Variants in TAOK1 observed in about 807,000 individuals in gnomAD.
TAOK1 encodes serine/threonine-protein kinase TAO1.
Under a neutral mutation model 138.3 loss-of-function variants are expected in TAOK1, and 21 were observed. The ratio of observed to expected loss-of-function variants is 0.15; its 90% confidence interval spans 0.11 to 0.22. The LOEUF (loss-of-function observed/expected upper bound fraction) is 0.22, where lower values mean the gene tolerates loss of function less well. Ranked by LOEUF, TAOK1 falls within the 10% of genes least tolerant of loss-of-function variation. The probability of loss-of-function intolerance (pLI) is 1.00; values close to 1 mark genes in which losing one functional copy is unlikely to be tolerated. For synonymous variants in TAOK1, 361 were observed against 398.4 expected, an observed-to-expected ratio of 0.91 and a Z score of 1.12; for missense variants, 651 against 1,227.7, an observed-to-expected ratio of 0.53 and a Z score of 7.02.
Position 29,489,687 on chromosome 17 carries a change from A to G in TAOK1, c.679A>G (p.Asn227Asp). The change falls in exon 9 of 20, where the codon AAT becomes GAT. Residue 227 changes from asparagine to aspartate, a missense_variant. Asn to Asp is a conservative substitution (Grantham distance 23). Coordinates refer to ENST00000261716, the MANE Select transcript of TAOK1 (RefSeq NM_020791.4). ...AGCGGAAAGGAAGCCTCCTTTATTT[A>G]ATATGAATGCAATGAGTGCCTTATA... ...ELAERKPPLF[N>D]MNAMSALYHI... 1 of 1,609,652 alleles carries G rather than the reference A, an allele frequency of 6.2e-7. No individual in the cohort carries two copies. Among genetic ancestry groups the G allele is most frequent in the Non-Finnish European group, 8.5e-7 (1 of 1,178,344 alleles).
At chr17:29,415,303 A>C (rs946633347) in intron 1 of TAOK1, among the ~76,000 whole-genome samples, 1 of 152,190 alleles carries the variant, frequency 6.6e-6, no homozygotes, top group African/African-American at 2.4e-5. Flanking sequence ...AATGGTGCTA[A>C]TGTGAACATA....
chr17:29,409,195 T>G (rs940752948), intron 1 of TAOK1, among the ~76,000 whole-genome samples: 4 of 151,734 alleles, frequency 2.6e-5, no homozygotes, highest in Non-Finnish European at 5.9e-5. Context: ...AGTCCAGTGT[T>G]TGGATATATC....
intron 15 of TAOK1, chr17:29,513,151 A>T (rs1199244296): frequency 6.8e-6 from 1 of 146,596 alleles, no homozygotes; most frequent in Non-Finnish European, 1.5e-5. Context: ...TAAAATAAGT[A>T]TAATCAATTT....
intron 13 of TAOK1, among the ~76,000 whole-genome samples, chr17:29,507,156 A>G (rs1264456312): frequency 6.6e-6 from 1 of 152,196 alleles, no homozygotes; most frequent in Non-Finnish European, 1.5e-5. Context: ...TAACTAGATA[A>G]AGGTGATAGT....
rs536686967 is a variant in TAOK1 at position 29,536,304 on chromosome 17, A to G, written c.2544+2004A>G. Among the ~76,000 whole-genome samples, 10 of 146,908 alleles carry G rather than the reference A, an allele frequency of 6.8e-5. No individual in the cohort carries two copies. In the East Asian group the frequency reaches 2.0e-3, roughly 30 times the overall value. On this transcript the variant is annotated intron_variant, in intron 19 of 19. Coordinates refer to ENST00000261716, the MANE Select transcript of TAOK1 (RefSeq NM_020791.4). ...ACAGAGCGAGACTCTGTCTCAAAAA[A>G]TAAGATGAGAGGCCGGGGCATGGTG...
chr17:29,475,558 C>G, intron 3 of TAOK1, 112 bp from the exon 4 acceptor site: 1 of 720,620 alleles, frequency 1.4e-6, no homozygotes, highest in South Asian at 2.0e-5. Context: ...TAAAACCAAG[C>G]AAAGTTGCAT....
chr17:29,429,791 C>T (rs1291338234), intron 1 of TAOK1, among the ~76,000 whole-genome samples: 1 of 152,248 alleles, frequency 6.6e-6, no homozygotes, highest in East Asian at 1.9e-4. Flanking sequence ...ACTTTAAGCA[C>T]ACCACCCAAC....
intron 15 of TAOK1, chr17:29,515,001 A>T (rs1432188211): frequency 3.2e-5 from 2 of 61,768 alleles, no homozygotes; most frequent in East Asian, 4.1e-4. Context: ...TCGATCTAAA[A>T]AAAAAAAAAA....
chr17:29,431,227 G>T (rs187960154), intron 1 of TAOK1, among the ~76,000 whole-genome samples: 2 of 152,064 alleles, frequency 1.3e-5, no homozygotes, highest in African/African-American at 4.8e-5. Flanking sequence ...GAGTGCTTGC[G>T]CTCTGGAGTT....
chr17:29,436,293 A>G (rs35347973), intron 1 of TAOK1, among the ~76,000 whole-genome samples: 24,334 of 152,232 alleles, frequency 0.16, 2,059 homozygotes, highest in Admixed American at 0.21. Flanking sequence ...TAAAGGCCGT[A>G]AATAGTTCAA....
At chr17:29,422,721 CAG>C (rs1478922743) in intron 1 of TAOK1, among the ~76,000 whole-genome samples, 2 of 152,176 alleles carry the variant, frequency 1.3e-5, no homozygotes, top group Admixed American at 6.6e-5. Context: ...AGTTTGTCTA[CAG>C]AGTTACCTAG....
At chr17:29,526,943 G>C (rs2032022055) in intron 17 of TAOK1, among the ~76,000 whole-genome samples, 1 of 151,388 alleles carries the variant, frequency 6.6e-6, no homozygotes, top group African/African-American at 2.4e-5. Context: ...CTGGCTAACA[G>C]GGTGAAACCC....
chr17:29,400,287 G>C (rs1280940596), intron 1 of TAOK1, among the ~76,000 whole-genome samples: 1 of 151,680 alleles, frequency 6.6e-6, no homozygotes. Context: ...CCAGCTACTT[G>C]GGAGGCTGAG....
At chr17:29,449,193 T>C (rs2030171689) in intron 1 of TAOK1, among the ~76,000 whole-genome samples, 1 of 152,134 alleles carries the variant, frequency 6.6e-6, no homozygotes. Context: ...GTTTGATTAA[T>C]TGAAAATTAA....
chr17:29,475,545 A>G, intron 3 of TAOK1, 125 bp from the exon 4 acceptor site: 1 of 650,870 alleles, frequency 1.5e-6, no homozygotes. Flanking sequence ...CCCAATAAAT[A>G]AGTAAAACCA....
chr17:29,408,128 G>A (rs534475133), intron 1 of TAOK1, among the ~76,000 whole-genome samples: 10 of 151,872 alleles, frequency 6.6e-5, no homozygotes, highest in Non-Finnish European at 1.3e-4. Flanking sequence ...TATTGCCTAG[G>A]CTGGTCTCAA....
chr17:29,403,985 T>A (rs779847117), intron 1 of TAOK1: 1 of 152,130 alleles, frequency 6.6e-6, no homozygotes, highest in Non-Finnish European at 1.5e-5. Flanking sequence ...TCAGCTTAGG[T>A]AGTGAAAAAG....
Position 29,411,697 on chromosome 17 carries a change from G to C in TAOK1, c.-95+20673G>C, listed in dbSNP as rs1905148455. The stretch of plus-strand genomic sequence containing the variant: ...CGAGAGCCACTGTGCCTGGCCTACA[G>C]AAGTACTTTCTATATCATAATCTGG... On this transcript the variant is annotated intron_variant, in intron 1 of 19. Coordinates refer to ENST00000261716, the MANE Select transcript of TAOK1 (RefSeq NM_020791.4). Among the ~76,000 whole-genome samples the C allele has an allele frequency of 2.6e-5, 4 of 152,060 alleles. No individual in the cohort carries two copies. The South Asian group carries it at 8.3e-4, about 31-fold the overall frequency.
chr17:29,494,249 G>A (rs12452979), intron 10 of TAOK1, among the ~76,000 whole-genome samples: 22,241 of 151,982 alleles, frequency 0.15, 1,878 homozygotes, highest in Admixed American at 0.21. Flanking sequence ...ATAAAATAGT[G>A]TATAGAGGCT....
Sources: gnomAD v4.1 joint callset for allele counts (sites outside exome capture counted in the v4.1 genomes callset) on GRCh38, gnomAD v4.1.1 for gene constraint, MANE v1.5 for transcripts, NCBI Gene and HGNC (gene_info 2026-07-23, HGNC 2026-07-21) for gene names.